ABCB1: variants seen among roughly 807,000 people sequenced by gnomAD.
ABCB1 encodes the protein ATP binding cassette subfamily B member 1, also known as ATP-dependent translocase ABCB1.
Under a neutral mutation model 142.0 loss-of-function variants are expected in ABCB1, and 69 were observed. The ratio of observed to expected loss-of-function variants is 0.49; its 90% CI spans 0.40 to 0.59. ABCB1 has a LOEUF of 0.59. Among genes scored for constraint, ABCB1 ranks in the 20% least tolerant of loss-of-function variants. The pLI, the probability that ABCB1 is intolerant of heterozygous loss-of-function variation, is 0.00. For missense variants in ABCB1, 1,326 were observed against 1,554.7 expected (o/e 0.85, Z 2.47); for synonymous variants, 532 against 539.2 (o/e 0.99, Z 0.18).
At chr7:87,606,027 A>G (rs997461449) in intron 1 of ABCB1, among the ~76,000 whole-genome samples, 1 of 152,084 alleles carries the variant, frequency 6.6e-6, no homozygotes, top group Non-Finnish European at 1.5e-5. Context: ...AAATTGAATA[A>G]ATTCACATTT....
chr7:87,558,932 T>A (rs1817428647), intron 8 of ABCB1, among the ~76,000 whole-genome samples: 1 of 152,152 alleles, frequency 6.6e-6, no homozygotes, highest in South Asian at 2.1e-4. Context: ...ATGTTCAGGA[T>A]GTTTTCAATT....
chr7:87,519,330 G>C lies in ABCB1; in HGVS notation c.2923C>G (p.Leu975Val). ...AHKLMSFEDV[L>V]LVFSAVVFGA... is the part of the protein sequence containing the mutation. The stretch of plus-strand genomic sequence containing the variant: ...AAATAATAGCCCAATACTTACAACA[G>C]AACATCCTCAAAGCTCATGAGTTTA... Residue 975 changes from leucine (L) to valine (V), a missense_variant, in exon 23 of 28, where the codon CTG becomes GTG. Physicochemically the swap from Leu to Val is conservative, Grantham distance 32. Coordinates refer to ENST00000622132, the MANE Select transcript of ABCB1 (RefSeq NM_001348946.2). 1 of 1,613,842 alleles carries C rather than the reference G, an allele frequency of 6.2e-7. No homozygotes were observed. The highest frequency in any genetic ancestry group is 8.5e-7 in the Non-Finnish European group (1 of 1,179,796).
At chr7:87,538,466 A>G (rs1816390016) in intron 19 of ABCB1, among the ~76,000 whole-genome samples, 1 of 152,178 alleles carries the variant, frequency 6.6e-6, no homozygotes, top group Non-Finnish European at 1.5e-5. Flanking sequence ...AATGCCCTCT[A>G]GAAAGCCTAA....
intron 1 of ABCB1, among the ~76,000 whole-genome samples, chr7:87,614,450 A>T (rs893760054): frequency 3.9e-5 from 6 of 152,102 alleles, no homozygotes; most frequent in Non-Finnish European, 4.4e-5. Context: ...AGAAAGAAAG[A>T]GAGAAAGAAT....
intron 20 of ABCB1, among the ~76,000 whole-genome samples, chr7:87,532,638 C>A (rs1471908094): frequency 1.3e-5 from 2 of 152,120 alleles, no homozygotes; most frequent in African/African-American, 2.4e-5. Flanking sequence ...CACCCCTTTT[C>A]CTAGGAAACT....
At chr7:87,582,409 C>T (rs773360116) in intron 4 of ABCB1, among the ~76,000 whole-genome samples, 66 of 152,204 alleles carry the variant, frequency 4.3e-4, no homozygotes, top group African/African-American at 1.4e-3. Context: ...TAATCAAATT[C>T]GACTGTATTT....
chr7:87,644,039 A>G (rs1822728806), intron 1 of ABCB1, among the ~76,000 whole-genome samples: 1 of 152,086 alleles, frequency 6.6e-6, no homozygotes. Context: ...TTATATTTTT[A>G]GTAGAGATGG....
chr7:87,542,653 A>G (rs1369328995), intron 17 of ABCB1, among the ~76,000 whole-genome samples: 1 of 127,668 alleles, frequency 7.8e-6, no homozygotes, highest in Non-Finnish European at 1.7e-5. Context: ...TAACTTAACC[A>G]TTTCCTTTTT....
At chr7:87,689,896 T>C (rs1475556189) in intron 1 of ABCB1, among the ~76,000 whole-genome samples, 1 of 152,212 alleles carries the variant, frequency 6.6e-6, no homozygotes, top group Non-Finnish European at 1.5e-5. Flanking sequence ...GACTGAAGTA[T>C]GTTAGAATTT....
intron 7 of ABCB1, among the ~76,000 whole-genome samples, chr7:87,562,763 G>GA (rs1256115733): frequency 0.17 from 14,360 of 86,122 alleles, 1,076 homozygotes; most frequent in African/African-American, 0.29. Context: ...TCTGTGAAAA[G>GA]AAAAAAAAAA....
At chr7:87,666,261 T>C (rs1361820354) in intron 1 of ABCB1, among the ~76,000 whole-genome samples, 4 of 152,140 alleles carry the variant, frequency 2.6e-5, no homozygotes, top group African/African-American at 9.6e-5. Context: ...TTTCTTTTCA[T>C]ATGCTTGTGG....
intron 4 of ABCB1, among the ~76,000 whole-genome samples, chr7:87,576,178 T>C (rs1022456042): frequency 5.3e-5 from 8 of 152,122 alleles, no homozygotes; most frequent in Non-Finnish European, 1.0e-4. Context: ...TTTGCTGTTT[T>C]TCTAATATAT....
At chr7:87,552,849 A>G (rs1364594731) in intron 9 of ABCB1, among the ~76,000 whole-genome samples, 1 of 151,894 alleles carries the variant, frequency 6.6e-6, no homozygotes, top group Non-Finnish European at 1.5e-5. Context: ...CGAAAAAGGA[A>G]CTAAGTGACT....
intron 4 of ABCB1, among the ~76,000 whole-genome samples, chr7:87,584,169 T>C (rs1302812807): frequency 1.3e-5 from 2 of 152,168 alleles, no homozygotes; most frequent in Non-Finnish European, 2.9e-5. Flanking sequence ...ATCCACAGAA[T>C]TGAAGTAGTT....
intron 1 of ABCB1, among the ~76,000 whole-genome samples, chr7:87,688,053 G>C (rs886320623): frequency 6.6e-6 from 1 of 152,112 alleles, no homozygotes; most frequent in Non-Finnish European, 1.5e-5. Context: ...TGATACCAGA[G>C]ATAAGAAATT....
At chr7:87,604,245 T>C (rs898554036), upstream of ABCB1, among the ~76,000 whole-genome samples, 1 of 152,186 alleles carries the variant, frequency 6.6e-6, no homozygotes, top group Non-Finnish European at 1.5e-5. Flanking sequence ...ATTTATTTTC[T>C]GTATTTTTCC....
rs560951558 is a variant in ABCB1 at position 87,681,289 on chromosome 7, C to T, written c.-331+31872G>A. ...AATAGTAATCCTATTCAATCCATCT[C>T]AGAAAATAGGAGATAACATTTCTCA... On this transcript the variant is annotated intron_variant, in intron 1 of 28. Coordinates refer to the ABCB1 transcript ENST00000265724. Among the ~76,000 whole-genome samples the T allele has an allele frequency of 5.2e-4, 78 of 150,594 alleles. 6 individuals are homozygous for T. Among genetic ancestry groups the T allele is most frequent in the African/African-American group, 1.4e-3 (57 of 40,600 alleles).
chr7:87,553,317 CTT>C (rs941637830), intron 9 of ABCB1, among the ~76,000 whole-genome samples: 8 of 112,666 alleles, frequency 7.1e-5, no homozygotes, highest in African/African-American at 1.1e-4. Flanking sequence ...TTTTTTTCCA[CTT>C]TTTTTTTTTT....
At chr7:87,524,618 G>T (rs1815702998) in intron 21 of ABCB1, among the ~76,000 whole-genome samples, 1 of 152,030 alleles carries the variant, frequency 6.6e-6, no homozygotes, top group South Asian at 2.1e-4. Flanking sequence ...ATAGCATTAG[G>T]AGATATACCT....
Sources: allele counts gnomAD v4.1 joint callset (sites outside exome capture counted in the v4.1 genomes callset), GRCh38; gene constraint gnomAD v4.1.1; transcripts MANE v1.5; gene names NCBI Gene and HGNC (gene_info 2026-07-23, HGNC 2026-07-21).